The following SMARCC1 variants were observed in gnomAD, a reference collection of about 807,000 sequenced individuals.
SMARCC1 encodes the protein SWI/SNF complex subunit SMARCC1.
In SMARCC1, 43 loss-of-function variants were observed where a neutral mutation model predicts 147.4. The observed-to-expected ratio is 0.29, with a 90% CI of 0.23 to 0.38. The LOEUF (loss-of-function observed/expected upper bound fraction) is 0.38, where lower values mean the gene tolerates loss of function less well. SMARCC1 is among the 10% of genes least tolerant of loss of function. The pLI is 1.00. For synonymous variants in SMARCC1, 495 were observed against 484.4 expected (o/e 1.02, Z -0.29); for missense variants, 1,119 against 1,381.1 (o/e 0.81, Z 3.01).
chr3:47,705,106 G>C (rs541483906), intron 10 of SMARCC1, among the ~76,000 whole-genome samples: 32 of 151,422 alleles, frequency 2.1e-4, no homozygotes, highest in Non-Finnish European at 3.1e-4. Context: ...GGTGGATCAC[G>C]AGGTCAGGAG....
intron 25 of SMARCC1, among the ~76,000 whole-genome samples, chr3:47,615,632 C>T (rs557076643): frequency 2.6e-5 from 4 of 152,268 alleles, no homozygotes; most frequent in Admixed American, 6.5e-5. Flanking sequence ...CTCACAGTTC[C>T]GAGTTCCCTA....
intron 10 of SMARCC1, among the ~76,000 whole-genome samples, chr3:47,704,702 AG>A (rs772677073): frequency 3.6e-4 from 54 of 151,864 alleles, no homozygotes; most frequent in Non-Finnish European, 6.8e-4. Context: ...GAATTGCTTG[AG>A]ACCAGGAGTT....
intron 26 of SMARCC1, among the ~76,000 whole-genome samples, chr3:47,595,889 C>A (rs912999735): frequency 6.6e-6 from 1 of 151,800 alleles, no homozygotes; most frequent in East Asian, 1.9e-4. Flanking sequence ...CACGTGCCAC[C>A]ACGCCCAGCT....
At chr3:47,741,249 GAGTT>G (rs1035938095) in intron 3 of SMARCC1, among the ~76,000 whole-genome samples, 2 of 151,628 alleles carry the variant, frequency 1.3e-5, no homozygotes, top group African/African-American at 2.4e-5. Flanking sequence ...TTTTCGAAGA[GAGTT>G]AGTCATATCA....
At position 47,693,366 on chromosome 3, in the gene SMARCC1, C is replaced by A. The variant is rs2033812987; in HGVS notation, c.1166-66G>T. Reference sequence around the variant, plus strand: ...GTTGTACTTCTTTTTAGAAAGAAAACAGAATAGGACATGATTAAACGACAT... The same window carrying A: ...GTTGTACTTCTTTTTAGAAAGAAAAAAGAATAGGACATGATTAAACGACAT... On this transcript the variant is annotated intron_variant, in intron 11 of 27. Transcript: ENST00000254480. 4.5e-6 allele frequency: 4 copies of A among 881,540 alleles called. No individual in the cohort carries two copies. In the Admixed American group the frequency reaches 5.5e-5, roughly 12 times the overall value. The allele number at this position is 881,540 out of a possible 1,614,324, so 54.6% of individuals were successfully genotyped here.
At position 47,765,735 on chromosome 3, in the gene SMARCC1, A is replaced by AT. The variant is rs796147596; in HGVS notation, c.315+7081dup. Reference sequence around the variant, plus strand: ...ACATTTTTCCTCCAGTTGCAAATTAATTTTTTTTTTTTTTTGAGATGGAGT... The same window carrying AT: ...ACATTTTTCCTCCAGTTGCAAATTAATTTTTTTTTTTTTTTTGAGATGGAGT... On this transcript the variant is annotated intron_variant, in intron 2 of 27. Coordinates refer to ENST00000254480, the MANE Select transcript of SMARCC1 (RefSeq NM_003074.4). Among the ~76,000 whole-genome samples the AT allele has an allele frequency of 2.8e-3, 408 of 144,902 alleles. 2 individuals are homozygous for AT. Among genetic ancestry groups the AT allele is most frequent in the African/African-American group, 4.5e-3 (179 of 39,852 alleles).
intron 5 of SMARCC1, among the ~76,000 whole-genome samples, chr3:47,735,791 A>C (rs547597660): frequency 1.3e-3 from 201 of 151,942 alleles, no homozygotes; most frequent in Non-Finnish European, 2.7e-3. Context: ...TCTTGAGCCC[A>C]GAAGTCCAAA....
rs11919699 is a variant in SMARCC1 at position 47,682,597 on chromosome 3, T to C, written c.1386-2089A>G. Among the ~76,000 whole-genome samples the C allele has an allele frequency of 2.5e-3, 379 of 152,348 alleles. 1 individual carries two copies. The highest frequency in any genetic ancestry group is 8.7e-3 in the African/African-American group (360 of 41,584). ...AGAGAAAAAGAATGCCGGTTTCTCATGTGTGTCCTCTTAGGCCATTGTACT... is the reference window on the plus strand; with the variant it reads ...AGAGAAAAAGAATGCCGGTTTCTCACGTGTGTCCTCTTAGGCCATTGTACT... On this transcript the variant is annotated intron_variant, in intron 14 of 27. Coordinates refer to ENST00000254480, the MANE Select transcript of SMARCC1 (RefSeq NM_003074.4).
At chr3:47,748,451 T>C (rs983574450) in intron 2 of SMARCC1, among the ~76,000 whole-genome samples, 1 of 152,158 alleles carries the variant, frequency 6.6e-6, no homozygotes, top group African/African-American at 2.4e-5. Context: ...ATGAAACTCT[T>C]GATCTCAAGT....
intron 2 of SMARCC1, among the ~76,000 whole-genome samples, chr3:47,772,544 G>C (rs368314572): frequency 1.3e-5 from 2 of 152,064 alleles, no homozygotes; most frequent in Non-Finnish European, 2.9e-5. Context: ...GAGAAGACTC[G>C]GTACGGCGAG....
chr3:47,595,117 C>T (rs1382519567), intron 26 of SMARCC1, among the ~76,000 whole-genome samples: 1 of 152,174 alleles, frequency 6.6e-6, no homozygotes, highest in African/African-American at 2.4e-5. Flanking sequence ...CTGGGTGGTG[C>T]TCCCTGCTGT....
At position 47,609,907 on chromosome 3, in the gene SMARCC1, C is replaced by T. The variant is rs537608713; in HGVS notation, c.3043+159G>A. 7.2e-5 allele frequency among the ~76,000 whole-genome samples: 11 copies of T among 152,300 alleles called. No individual in the cohort carries two copies. The South Asian group carries it at 1.9e-3, about 26-fold the overall frequency. On this transcript the variant is annotated intron_variant, in intron 26 of 27. Transcript: ENST00000254480. Reference sequence around the variant, plus strand: ...AAAGAACATGGAAGGCTTCATGTGGCGATAACCCTAAATCTCACATGCCTA... The same window carrying T: ...AAAGAACATGGAAGGCTTCATGTGGTGATAACCCTAAATCTCACATGCCTA...
chr3:47,592,027 T>G (rs1289601158), intron 26 of SMARCC1, among the ~76,000 whole-genome samples: 5 of 152,218 alleles, frequency 3.3e-5, no homozygotes, highest in African/African-American at 1.2e-4. Context: ...GAATATAGGT[T>G]AGAACACAGT....
At chr3:47,755,113 A>G (rs1300476165) in intron 2 of SMARCC1, among the ~76,000 whole-genome samples, 1 of 152,116 alleles carries the variant, frequency 6.6e-6, no homozygotes, top group East Asian at 1.9e-4. Flanking sequence ...CGCGAGGCCG[A>G]GGCAGGAAAA....
At chr3:47,742,710 G>A (rs2034523200) in intron 3 of SMARCC1, among the ~76,000 whole-genome samples, 1 of 152,112 alleles carries the variant, frequency 6.6e-6, no homozygotes, top group African/African-American at 2.4e-5. Flanking sequence ...AGCATCCGGA[G>A]TAGCTGGGAC....
At chr3:47,592,450 T>C (rs966079851) in intron 26 of SMARCC1, among the ~76,000 whole-genome samples, 1 of 152,188 alleles carries the variant, frequency 6.6e-6, no homozygotes, top group East Asian at 1.9e-4. Context: ...CCTCCAACCA[T>C]TTAAACTATA....
chr3:47,632,477 T>A (rs112973459), intron 24 of SMARCC1, among the ~76,000 whole-genome samples: 1,947 of 152,098 alleles, frequency 0.013, 36 homozygotes, highest in Non-Finnish European at 0.015. Context: ...TTTTAGTTCT[T>A]CCTATGGCAA....
At chr3:47,712,611 T>C (rs2034101062) in intron 8 of SMARCC1, among the ~76,000 whole-genome samples, 1 of 151,658 alleles carries the variant, frequency 6.6e-6, no homozygotes, top group South Asian at 2.1e-4. Context: ...ATGCGGGTAT[T>C]ATACTCTCTG....
At chr3:47,776,655 T>C (rs2034978533) in intron 1 of SMARCC1, among the ~76,000 whole-genome samples, 1 of 152,124 alleles carries the variant, frequency 6.6e-6, no homozygotes, top group African/African-American at 2.4e-5. Flanking sequence ...TGCCAAACTC[T>C]ATAGCTGAAA....
Sources: gnomAD v4.1 joint callset for allele counts (sites outside exome capture counted in the v4.1 genomes callset) on GRCh38, gnomAD v4.1.1 for gene constraint, MANE v1.5 for transcripts, NCBI Gene and HGNC (gene_info 2026-07-23, HGNC 2026-07-21) for gene names.